Variants in LGSN observed in about 807,000 individuals in gnomAD.
LGSN encodes the protein lengsin.
A neutral mutation model predicts 19.5 loss-of-function variants in LGSN; 21 were observed. That is an observed-to-expected ratio of 1.07 (90% CI 0.76 to 1.55). The LOEUF is 1.55. Ranked by LOEUF, LGSN falls within the 40% of genes most tolerant of loss-of-function variation. The pLI, the probability that LGSN is intolerant of heterozygous loss-of-function variation, is 0.00. For missense variants in LGSN, 673 were observed against 608.5 expected (o/e 1.11, Z -1.12); for synonymous variants, 257 against 215.6 (o/e 1.19, Z -1.68).
the LGSN span, among the ~76,000 whole-genome samples, chr6:63,384,216 C>G: frequency 1.3e-5 from 2 of 152,162 alleles, no homozygotes; most frequent in Non-Finnish European, 2.9e-5. Flanking sequence ...CTTCCTGCCA[C>G]GAGAACCAAG....
the LGSN span, among the ~76,000 whole-genome samples, chr6:63,500,503 C>T: frequency 2.5e-4 from 38 of 152,052 alleles, no homozygotes; most frequent in Non-Finnish European, 4.9e-4. Context: ...CTCACTGCAA[C>T]CTCTGCTTCC....
At chr6:63,360,355 TG>T in the LGSN span, among the ~76,000 whole-genome samples, 3 of 152,180 alleles carry the variant, frequency 2.0e-5, no homozygotes, top group African/African-American at 7.2e-5. Flanking sequence ...AGGCTTTGTT[TG>T]TTTCTTTTTA....
the LGSN span, among the ~76,000 whole-genome samples, chr6:63,544,966 T>G: frequency 3.3e-5 from 5 of 152,320 alleles, no homozygotes; most frequent in East Asian, 5.8e-4. Flanking sequence ...TATCAAACTT[T>G]CATGCACTAG....
the LGSN span, among the ~76,000 whole-genome samples, chr6:63,541,728 TA>T: frequency 2.9e-3 from 448 of 152,200 alleles, no homozygotes; most frequent in African/African-American, 0.01. Context: ...CCAACTCCAT[TA>T]AAAAAGATGC....
At chr6:63,357,305 G>C in the LGSN span, among the ~76,000 whole-genome samples, 4 of 152,124 alleles carry the variant, frequency 2.6e-5, no homozygotes, top group African/African-American at 9.7e-5. Context: ...GTGTGCATGT[G>C]TCTTTATAGC....
chr6:63,323,405 G>C (rs916042413), upstream of LGSN, among the ~76,000 whole-genome samples: 1 of 152,074 alleles, frequency 6.6e-6, no homozygotes, highest in Admixed American at 6.5e-5. Flanking sequence ...CCACCCTTTT[G>C]AGTCTCTACT....
the LGSN span, among the ~76,000 whole-genome samples, chr6:63,501,142 C>A: frequency 2.6e-5 from 4 of 151,900 alleles, no homozygotes; most frequent in East Asian, 7.8e-4. Context: ...GAGGCTGAGG[C>A]GGGTGGATCA....
At chr6:63,366,282 T>G in the LGSN span, among the ~76,000 whole-genome samples, 20 of 152,150 alleles carry the variant, frequency 1.3e-4, no homozygotes, top group Admixed American at 1.3e-3. Context: ...ACAAGCATTC[T>G]TATACACCAA....
chr6:63,466,150 T>C, the LGSN span, among the ~76,000 whole-genome samples: 2 of 152,174 alleles, frequency 1.3e-5, no homozygotes, highest in Non-Finnish European at 2.9e-5. Flanking sequence ...TCCTTCTGCC[T>C]TGGCCTCCCA....
At chr6:63,476,041 AG>A in the LGSN span, among the ~76,000 whole-genome samples, 2 of 152,072 alleles carry the variant, frequency 1.3e-5, no homozygotes, top group Non-Finnish European at 2.9e-5. Flanking sequence ...ATTATTATGT[AG>A]ATTTTTTGTT....
At chr6:63,493,869 G>T in the LGSN span, among the ~76,000 whole-genome samples, 1 of 151,782 alleles carries the variant, frequency 6.6e-6, no homozygotes, top group Non-Finnish European at 1.5e-5. Context: ...CTTTTCAAAA[G>T]TTGATTCAAT....
chr6:63,496,865 C>G, the LGSN span, among the ~76,000 whole-genome samples: 1 of 152,064 alleles, frequency 6.6e-6, no homozygotes, highest in Non-Finnish European at 1.5e-5. Context: ...GTGGTTGTGT[C>G]AAAAGCTCAT....
chr6:63,486,868 C>T, the LGSN span, among the ~76,000 whole-genome samples: 3 of 150,544 alleles, frequency 2.0e-5, no homozygotes, highest in Admixed American at 1.3e-4. Flanking sequence ...AAGAATCTTG[C>T]TGTGTTACCC....
At chr6:63,510,808 G>A in the LGSN span, among the ~76,000 whole-genome samples, 4 of 151,584 alleles carry the variant, frequency 2.6e-5, no homozygotes, top group Non-Finnish European at 5.9e-5. Flanking sequence ...TGAGTAGCTG[G>A]GACAACAGGC....
At chr6:63,405,178 G>A in the LGSN span, among the ~76,000 whole-genome samples, 3 of 151,846 alleles carry the variant, frequency 2.0e-5, no homozygotes, top group African/African-American at 7.3e-5. Flanking sequence ...GTGTATATGT[G>A]CCACATTTTC....
the LGSN span, among the ~76,000 whole-genome samples, chr6:63,383,880 A>G: frequency 2.0e-5 from 3 of 152,212 alleles, no homozygotes. Context: ...CAGAATTTGT[A>G]GAACTATTTA....
the LGSN span, among the ~76,000 whole-genome samples, chr6:63,373,645 G>T: frequency 6.6e-6 from 1 of 152,082 alleles, no homozygotes; most frequent in Non-Finnish European, 1.5e-5. Context: ...TACAACATGT[G>T]ACCCTGACGA....
At chr6:63,553,908 CAG>C in the LGSN span, among the ~76,000 whole-genome samples, 2 of 152,006 alleles carry the variant, frequency 1.3e-5, no homozygotes, top group African/African-American at 4.8e-5. Flanking sequence ...TAGTTTAAAA[CAG>C]AAAATACGAA....
chr6:63,352,404 C>T, the LGSN span, among the ~76,000 whole-genome samples: 2 of 152,096 alleles, frequency 1.3e-5, no homozygotes, highest in African/African-American at 2.4e-5. Context: ...TGACTAACGC[C>T]TAGAATCCCA....
Sources: allele counts gnomAD v4.1 joint callset (sites outside exome capture counted in the v4.1 genomes callset), GRCh38; gene constraint gnomAD v4.1.1; transcripts MANE v1.5; gene names NCBI Gene and HGNC (gene_info 2026-07-23, HGNC 2026-07-21).